MITF: variants seen among roughly 807,000 people sequenced by gnomAD.
MITF encodes microphthalmia-associated transcription factor.
In MITF, 17 loss-of-function variants were observed where a neutral mutation model predicts 60.5. The observed-to-expected ratio is 0.28, with a 90% CI of 0.19 to 0.42. The LOEUF is 0.42. MITF is among the 10% of genes least tolerant of loss of function. MITF has a pLI of 1.00. For synonymous variants in MITF, 260 were observed against 248.5 expected (o/e 1.05, Z -0.43); for missense variants, 622 against 683.5 (o/e 0.91, Z 1.00).
In MITF at chr3:69,882,250, A is replaced by G. The variant is rs1306439683; in HGVS notation, c.354+2867A>G. On this transcript the variant is annotated intron_variant, in intron 2 of 9. Coordinates refer to ENST00000352241, the MANE Select transcript of MITF (RefSeq NM_001354604.2). ...GAAAATCTGCACCACTCATTCCTCAACGTATAGTCATTGTGCCGTGAGTAA... is the reference window on the plus strand; with the variant it reads ...GAAAATCTGCACCACTCATTCCTCAGCGTATAGTCATTGTGCCGTGAGTAA... 2.0e-5 allele frequency among the ~76,000 whole-genome samples: 3 copies of G among 152,128 alleles called. No homozygotes were observed. In the East Asian group the frequency reaches 5.8e-4, roughly 29 times the overall value.
chr3:69,966,423 A>G lies in MITF; in HGVS notation c.*1175A>G, dbSNP rs1262073304. The G allele has an allele frequency of 4.3e-6, 1 of 232,770 alleles. No individual in the cohort carries two copies. The highest frequency in any genetic ancestry group is 5.6e-5 in the Admixed American group (1 of 17,762). 14.4% of individuals were successfully genotyped at this position (232,770 alleles called of 1,614,324 possible). Reference sequence around the variant, plus strand: ...TTTAAGGTGTAGTATTAATAGGTTAAAACCAGGCTTTCTAGAAAGAATAAA... The same window carrying G: ...TTTAAGGTGTAGTATTAATAGGTTAGAACCAGGCTTTCTAGAAAGAATAAA... On this transcript the variant is annotated 3_prime_UTR_variant, in exon 10 of 10. Coordinates refer to ENST00000352241, the MANE Select transcript of MITF (RefSeq NM_001354604.2).
At chr3:69,749,750 G>C (rs984926632) in intron 1 of MITF, among the ~76,000 whole-genome samples, 6 of 152,210 alleles carry the variant, frequency 3.9e-5, no homozygotes, top group Non-Finnish European at 5.9e-5. Context: ...CTTGTAAGAG[G>C]TCGGCCACTG....
At chr3:69,871,813 A>C (rs1320100187) in intron 1 of MITF, among the ~76,000 whole-genome samples, 1 of 152,154 alleles carries the variant, frequency 6.6e-6, no homozygotes, top group Non-Finnish European at 1.5e-5. Flanking sequence ...AGTTTATTCC[A>C]GTTCCTTTCA....
intron 5 of MITF, among the ~76,000 whole-genome samples, chr3:69,942,287 T>C (rs2065986196): frequency 6.6e-6 from 1 of 152,132 alleles, no homozygotes; most frequent in Non-Finnish European, 1.5e-5. Context: ...TACTGAACCA[T>C]ACACTTAAAA....
In MITF at chr3:69,762,974, C is replaced by T. The variant is rs147600020; in HGVS notation, c.104+23273C>T. On this transcript the variant is annotated intron_variant, in intron 1 of 9. Transcript: ENST00000352241. Reference sequence around the variant, plus strand: ...CTTTACCTTGCCAGCAATCCTCAGTCGTCCTGGTAAACAACCTCTGAGTTA... The same window carrying T: ...CTTTACCTTGCCAGCAATCCTCAGTTGTCCTGGTAAACAACCTCTGAGTTA... Among the ~76,000 whole-genome samples, 511 of 152,282 alleles carry T rather than the reference C, an allele frequency of 3.4e-3. 3 individuals carry two copies. Among genetic ancestry groups the T allele is most frequent in the Middle Eastern group, 6.8e-3 (2 of 294 alleles).
chr3:69,852,229 T>C (rs2063836423), intron 1 of MITF, among the ~76,000 whole-genome samples: 1 of 152,208 alleles, frequency 6.6e-6, no homozygotes, highest in Non-Finnish European at 1.5e-5. Context: ...CAGAAAAGTA[T>C]ACACATCTTA....
At chr3:69,928,157 C>T (rs557704358) in intron 2 of MITF, among the ~76,000 whole-genome samples, 9 of 152,312 alleles carry the variant, frequency 5.9e-5, no homozygotes, top group Middle Eastern at 3.4e-3. Context: ...AGAGATAATG[C>T]TCTAATAGAT....
chr3:69,739,630 C>A lies in MITF; in HGVS notation c.33C>A (p.Phe11Leu). 6.3e-7 allele frequency: 1 copy of A among 1,583,040 alleles called. No homozygotes were observed. Among genetic ancestry groups the A allele is most frequent in the East Asian group, 2.3e-5 (1 of 43,976 alleles). The change falls in exon 1 of 10, where the codon TTC becomes TTA. Residue 11 changes from phenylalanine (F) to leucine (L), a missense_variant. Physicochemically the swap from Phe to Leu is conservative, Grantham distance 22. Around this residue, in one of 5 missense-constraint regions of MITF, gnomAD observed 149 missense variants for 157.8 expected, o/e 0.94. Transcript: ENST00000352241. MQSESGIVPD[F>L]EVGEEFHEEP... ...CCGAATCGGGGATCGTGCCGGATTT[C>A]GAAGTCGGGGAGGAGTTTCATGAAG...
intron 1 of MITF, among the ~76,000 whole-genome samples, chr3:69,753,037 A>C (rs1703994191): frequency 6.6e-6 from 1 of 152,196 alleles, no homozygotes; most frequent in African/African-American, 2.4e-5. Flanking sequence ...CATTTCAGAG[A>C]ACTTTGCAGC....
chr3:69,856,306 A>G (rs1045177843), intron 1 of MITF, among the ~76,000 whole-genome samples: 1 of 152,200 alleles, frequency 6.6e-6, no homozygotes, highest in Non-Finnish European at 1.5e-5. Flanking sequence ...TTTAAAGGAA[A>G]TGTTATCATA....
chr3:69,923,805 G>A (rs1226773219), intron 2 of MITF, among the ~76,000 whole-genome samples: 1 of 151,968 alleles, frequency 6.6e-6, no homozygotes, highest in Non-Finnish European at 1.5e-5. Flanking sequence ...CACATATATT[G>A]GCCTGGTATA....
intron 6 of MITF, 86 bp downstream of exon 6, chr3:69,949,254 C>G (rs2066180176): frequency 1.0e-6 from 1 of 980,182 alleles, no homozygotes; most frequent in Non-Finnish European, 1.7e-6. Context: ...GATGTGCAAA[C>G]TATATCCAAC....
intron 2 of MITF, among the ~76,000 whole-genome samples, chr3:69,922,980 G>A (rs1471970478): frequency 6.6e-6 from 1 of 152,200 alleles, no homozygotes; most frequent in Non-Finnish European, 1.5e-5. Context: ...GGCTGATTCT[G>A]TTCACTTTGG....
At chr3:69,793,687 TTTTC>T (rs1427221520) in intron 1 of MITF, among the ~76,000 whole-genome samples, 2 of 152,236 alleles carry the variant, frequency 1.3e-5, no homozygotes, top group African/African-American at 2.4e-5. Flanking sequence ...AGAACACTAC[TTTTC>T]TTTATGTATT....
At chr3:69,898,162 A>T (rs2064919602) in intron 2 of MITF, among the ~76,000 whole-genome samples, 1 of 152,342 alleles carries the variant, frequency 6.6e-6, no homozygotes, top group South Asian at 2.1e-4. Context: ...CAATGGGAAG[A>T]TGTGATGTAA....
At position 69,967,978 on chromosome 3, in the gene MITF, T is replaced by C. The variant is rs2066731775; in HGVS notation, c.*2730T>C. On this transcript the variant is annotated 3_prime_UTR_variant, in exon 10 of 10. Transcript: ENST00000352241. ...AGCATACAAGCAACCTGGTCATACA[T>C]AGGATGACAAAATTCTTTCTGGTTG... 2 of 233,442 alleles carry C rather than the reference T, an allele frequency of 8.6e-6. No homozygotes were observed. The highest frequency in any genetic ancestry group is 1.7e-5 in the Non-Finnish European group (2 of 117,974). 14.5% of individuals were successfully genotyped at this position (233,442 alleles called of 1,614,324 possible). A position where few individuals can be genotyped will look rare whatever the true frequency, so the allele number is the denominator to read the frequency against.
intron 8 of MITF, among the ~76,000 whole-genome samples, chr3:69,957,796 G>A (rs750097844): frequency 3.9e-5 from 6 of 152,052 alleles, no homozygotes; most frequent in African/African-American, 9.7e-5. Context: ...GAATACTTGC[G>A]GGTTTATAAT....
rs543176278 is a variant in MITF, at chr3:69,853,979, A to G, written c.105-25155A>G. 7.0e-4 allele frequency among the ~76,000 whole-genome samples: 106 copies of G among 150,960 alleles called. 2 individuals carry two copies. The highest frequency in any genetic ancestry group is 3.9e-4 in the East Asian group (2 of 5,088). On this transcript the variant is annotated intron_variant, in intron 1 of 9. Coordinates refer to ENST00000352241, the MANE Select transcript of MITF (RefSeq NM_001354604.2). ...ATGTTCAAGTGACTCTCCTGCCAGTAGCTGGGATTACAGGTGCACGCCACC... is the reference window on the plus strand; with the variant it reads ...ATGTTCAAGTGACTCTCCTGCCAGTGGCTGGGATTACAGGTGCACGCCACC...
At chr3:69,818,934 G>A (rs932534180) in intron 1 of MITF, among the ~76,000 whole-genome samples, 53 of 152,152 alleles carry the variant, frequency 3.5e-4, no homozygotes, top group African/African-American at 1.1e-3. Flanking sequence ...ACTAATACAC[G>A]TGTATGGAAA....
Sources: allele counts gnomAD v4.1 joint callset (sites outside exome capture counted in the v4.1 genomes callset), GRCh38; gene constraint gnomAD v4.1.1; regional missense constraint gnomAD v4.1.1; transcripts MANE v1.5; gene names NCBI Gene and HGNC (gene_info 2026-07-23, HGNC 2026-07-21).